The following CLSTN2 variants were observed in gnomAD, a reference collection of about 807,000 sequenced individuals.
The protein encoded by CLSTN2 is calsyntenin 2, also known as calsyntenin-2.
Under a neutral mutation model 101.2 loss-of-function variants are expected in CLSTN2, and 48 were observed. The observed-to-expected ratio is 0.47, with a 90% CI of 0.38 to 0.60. The LOEUF (loss-of-function observed/expected upper bound fraction) is 0.60, where lower values mean the gene tolerates loss of function less well. Among genes scored for constraint, CLSTN2 ranks in the 20% least tolerant of loss-of-function variants. The pLI, the probability that CLSTN2 is intolerant of heterozygous loss-of-function variation, is 0.00. For missense variants in CLSTN2, 1,160 were observed against 1,238.2 expected, an observed-to-expected ratio of 0.94 and a Z score of 0.95; for synonymous variants, 481 against 463.6, an observed-to-expected ratio of 1.04 and a Z score of -0.48.
intron 1 of CLSTN2, among the ~76,000 whole-genome samples, chr3:139,949,161 C>T (rs758671916): frequency 8.5e-5 from 13 of 152,200 alleles, no homozygotes; most frequent in Non-Finnish European, 1.8e-4. Flanking sequence ...CCATATAGAA[C>T]TCCACAGTGA....
At chr3:140,564,233 AC>A in intron 16 of CLSTN2, 88 bp downstream of exon 16, 1 of 1,219,950 alleles carries the variant, frequency 8.2e-7, no homozygotes, top group Admixed American at 1.9e-5. Context: ...GCAGCCCCAT[AC>A]CCCCTCCTTC....
chr3:140,267,024 A>G (rs1576491821), intron 2 of CLSTN2, among the ~76,000 whole-genome samples: 1 of 152,338 alleles, frequency 6.6e-6, no homozygotes, highest in Non-Finnish European at 1.5e-5. Flanking sequence ...AAATGGGACA[A>G]GTGAGACCTG....
In CLSTN2 at chr3:140,522,067, T is replaced by A. The variant is rs138236947; in HGVS notation, c.1345-10257T>A. 2.6e-5 allele frequency among the ~76,000 whole-genome samples: 4 copies of A among 152,344 alleles called. No individual in the cohort carries two copies. The East Asian group carries it at 7.7e-4, about 29-fold the overall frequency. On this transcript the variant is annotated intron_variant, in intron 8 of 16. Coordinates refer to ENST00000458420, the MANE Select transcript of CLSTN2 (RefSeq NM_022131.3). ...CTGGTGGCTTGGGCTAATGAAGGGA[T>A]GTCCTGATCTGCAGGTTGCAAAAAT...
chr3:140,276,163 T>C (rs2086792867), intron 2 of CLSTN2, among the ~76,000 whole-genome samples: 2 of 152,138 alleles, frequency 1.3e-5, no homozygotes, highest in African/African-American at 4.8e-5. Flanking sequence ...TGTAGCTCCA[T>C]GGGCATGGGA....
At chr3:140,010,006 T>C (rs998908615) in intron 1 of CLSTN2, among the ~76,000 whole-genome samples, 5 of 152,184 alleles carry the variant, frequency 3.3e-5, no homozygotes, top group African/African-American at 1.2e-4. Context: ...TGGCCTTCCC[T>C]CAGACTAGGT....
intron 4 of CLSTN2, among the ~76,000 whole-genome samples, chr3:140,406,904 T>C (rs948559751): frequency 1.3e-5 from 2 of 152,246 alleles, no homozygotes; most frequent in East Asian, 1.9e-4. Flanking sequence ...GCCCCAGTCA[T>C]GAAGATAATT....
In CLSTN2 at chr3:140,295,593, C is replaced by A. The variant is rs2086995102; in HGVS notation, c.233-108036C>A. On this transcript the variant is annotated intron_variant, in intron 2 of 16. Coordinates refer to ENST00000458420, the MANE Select transcript of CLSTN2 (RefSeq NM_022131.3). ...TTTCCCTGAAGTATTACACAACTGC[C>A]CCAAGTTTTTTTTATTTTTAAAGTA... 2.6e-5 allele frequency among the ~76,000 whole-genome samples: 4 copies of A among 152,106 alleles called. 1 individual carries two copies. The South Asian group carries it at 8.3e-4, about 32-fold the overall frequency.
chr3:140,404,894 C>G (rs577782961), intron 4 of CLSTN2, 128 bp downstream of exon 4: 22 of 788,290 alleles, frequency 2.8e-5, no homozygotes, highest in Non-Finnish European at 4.4e-5. Flanking sequence ...GGTCTAAGCT[C>G]CATAACCCAG....
intron 1 of CLSTN2, among the ~76,000 whole-genome samples, chr3:140,138,727 A>G (rs1224374584): frequency 6.6e-6 from 1 of 152,206 alleles, no homozygotes; most frequent in East Asian, 1.9e-4. Flanking sequence ...ACGACCTCTG[A>G]GGTTCTCCTC....
chr3:140,473,745 T>TTC (rs1933907420), intron 8 of CLSTN2, among the ~76,000 whole-genome samples: 1 of 29,214 alleles, frequency 3.4e-5, no homozygotes, highest in Admixed American at 3.3e-4. Context: ...GTTTTTTGTG[T>TTC]TTTTTTTTTG....
intron 2 of CLSTN2, among the ~76,000 whole-genome samples, chr3:140,376,240 G>A (rs1226713220): frequency 6.6e-6 from 1 of 152,206 alleles, no homozygotes; most frequent in East Asian, 1.9e-4. Flanking sequence ...AAGGATCAGA[G>A]TGAGCAGTTC....
intron 1 of CLSTN2, among the ~76,000 whole-genome samples, chr3:140,059,806 G>T (rs532949399): frequency 1.3e-5 from 2 of 152,196 alleles, no homozygotes; most frequent in Admixed American, 1.3e-4. Context: ...GGAGGTATTT[G>T]TCTATTAAGA....
intron 2 of CLSTN2, among the ~76,000 whole-genome samples, chr3:140,189,061 A>T (rs1453701752): frequency 6.6e-6 from 1 of 152,166 alleles, no homozygotes; most frequent in African/African-American, 2.4e-5. Flanking sequence ...TTCTCTTAGC[A>T]TCATTTTCTG....
At chr3:140,187,018 A>G (rs1227698358) in intron 2 of CLSTN2, among the ~76,000 whole-genome samples, 1 of 152,138 alleles carries the variant, frequency 6.6e-6, no homozygotes, top group Non-Finnish European at 1.5e-5. Flanking sequence ...GCAAGGGGAA[A>G]ATCTTTATTC....
intron 9 of CLSTN2, among the ~76,000 whole-genome samples, chr3:140,543,384 G>A (rs966303865): frequency 6.6e-6 from 1 of 152,146 alleles, no homozygotes; most frequent in Admixed American, 6.5e-5. Context: ...CCATAGCCGT[G>A]GGCCATCTCA....
chr3:140,311,003 C>T (rs2087161821), intron 2 of CLSTN2, among the ~76,000 whole-genome samples: 1 of 152,120 alleles, frequency 6.6e-6, no homozygotes, highest in African/African-American at 2.4e-5. Context: ...GTGTAAAGGG[C>T]CTATGGAGGA....
At chr3:140,459,491 T>C (rs781624818) in intron 6 of CLSTN2, 30 bp from the exon 7 acceptor site, 2 of 1,611,460 alleles carry the variant, frequency 1.2e-6, no homozygotes, top group Non-Finnish European at 1.7e-6. Context: ...CATCATGACC[T>C]GTTATCCTTT....
chr3:140,252,590 T>A (rs2086573546), intron 2 of CLSTN2, among the ~76,000 whole-genome samples: 1 of 152,178 alleles, frequency 6.6e-6, no homozygotes, highest in African/African-American at 2.4e-5. Context: ...CTCCCTTCTC[T>A]GGAACATATA....
chr3:140,489,631 C>T (rs796745951), intron 8 of CLSTN2, among the ~76,000 whole-genome samples: 6 of 152,104 alleles, frequency 3.9e-5, no homozygotes, highest in African/African-American at 1.4e-4. Context: ...CACCACACCC[C>T]GGCCCATTCT....
Sources: gnomAD v4.1 joint callset for allele counts (sites outside exome capture counted in the v4.1 genomes callset) on GRCh38, gnomAD v4.1.1 for gene constraint, MANE v1.5 for transcripts, NCBI Gene and HGNC (gene_info 2026-07-23, HGNC 2026-07-21) for gene names.